Variants in HSPBAP1 observed in about 807,000 individuals in gnomAD.
The protein encoded by HSPBAP1 is HSPB1 associated protein 1, also known as HSPB1-associated protein 1.
A neutral mutation model predicts 45.2 loss-of-function variants in HSPBAP1; 27 were observed. The ratio of observed to expected loss-of-function variants is 0.60; its 90% confidence interval spans 0.44 to 0.82. The LOEUF (loss-of-function observed/expected upper bound fraction) is 0.82, where lower values mean the gene tolerates loss of function less well. HSPBAP1 is among the 40% of genes least tolerant of loss of function. The pLI, the probability that HSPBAP1 is intolerant of heterozygous loss-of-function variation, is 0.00. For missense variants in HSPBAP1, 510 were observed against 590.9 expected (o/e 0.86, Z 1.42); for synonymous variants, 204 against 202.7 (o/e 1.01, Z -0.06).
chr3:122,780,904 C>T (rs1162025431), intron 1 of HSPBAP1, among the ~76,000 whole-genome samples: 2 of 87,914 alleles, frequency 2.3e-5, no homozygotes, highest in East Asian at 2.8e-4. Flanking sequence ...AGGCACTCCT[C>T]ACATCCCAGA....
At chr3:122,746,921 CT>C (rs1370786938) in intron 6 of HSPBAP1, among the ~76,000 whole-genome samples, 1 of 151,938 alleles carries the variant, frequency 6.6e-6, no homozygotes, top group African/African-American at 2.4e-5. Flanking sequence ...TCCCGAGGTG[CT>C]GGGATTGCAG....
intron 1 of HSPBAP1, among the ~76,000 whole-genome samples, chr3:122,787,311 T>C (rs1423370830): frequency 6.6e-6 from 1 of 152,206 alleles, no homozygotes; most frequent in African/African-American, 2.4e-5. Context: ...TACAAGATAA[T>C]TTGAAACCTA....
In HSPBAP1 at chr3:122,752,665, CAA is replaced by C; in HGVS notation, c.749_750del (p.Phe250CysfsTer13). 1 of 1,604,908 alleles carries C rather than the reference CAA, an allele frequency of 6.2e-7. No individual in the cohort carries two copies. ...ACGTAATGCCACCAGTGTCTGGGAA[CAA>C]AGAGAACCTGAAAACCAAACAAAGA... Reference protein sequence around the residue: ...AVTLSPGQVLFVPRHWWHYVE... With the variant: ...AVTLSPGQVLXVPRHWWHYVE... On this transcript the variant is annotated frameshift_variant, in exon 6 of 8. Coordinates refer to ENST00000306103, the MANE Select transcript of HSPBAP1 (RefSeq NM_024610.6). LOFTEE classifies it high-confidence loss of function.
intron 2 of HSPBAP1, among the ~76,000 whole-genome samples, chr3:122,769,630 G>C (rs1934914179): frequency 6.6e-6 from 1 of 152,168 alleles, no homozygotes; most frequent in South Asian, 2.1e-4. Flanking sequence ...AGATCAGTTA[G>C]CACAGTGCTT....
At chr3:122,784,219 A>C (rs1487583561) in intron 1 of HSPBAP1, among the ~76,000 whole-genome samples, 3 of 152,216 alleles carry the variant, frequency 2.0e-5, no homozygotes, top group Non-Finnish European at 2.9e-5. Context: ...GAAAAGCTAT[A>C]ATATATTCAT....
intron 3 of HSPBAP1, among the ~76,000 whole-genome samples, chr3:122,768,315 A>G (rs1267334227): frequency 6.6e-6 from 1 of 152,218 alleles, no homozygotes; most frequent in Non-Finnish European, 1.5e-5. Context: ...TCACAGCCCA[A>G]GGAATGCTCC....
rs750201899 is a variant in HSPBAP1 at position 122,746,602 on chromosome 3, G to GCTCTCTCCTCTCTC, written c.826-5503_826-5490dup. ...TTGGAAAAGATAAAATTAGATCTCA[G>GCTCTCTCCTCTCTC]CTCTCTCCTCTCTCCTCTCTCCTCT... On this transcript the variant is annotated intron_variant, in intron 6 of 7. Transcript: ENST00000306103. 1.1e-4 allele frequency among the ~76,000 whole-genome samples: 17 copies of GCTCTCTCCTCTCTC among 151,546 alleles called. No homozygotes were observed. The South Asian group carries it at 3.6e-3, about 32-fold the overall frequency.
chr3:122,741,795 AT>A (rs1933677946), intron 6 of HSPBAP1: 1 of 152,216 alleles, frequency 6.6e-6, no homozygotes, highest in Admixed American at 6.5e-5. Flanking sequence ...CAGAGGACTA[AT>A]AAACATATGA....
At chr3:122,781,371 A>G (rs1294451054) in intron 1 of HSPBAP1, among the ~76,000 whole-genome samples, 1 of 152,256 alleles carries the variant, frequency 6.6e-6, no homozygotes, top group South Asian at 2.1e-4. Context: ...CGGCCAACAC[A>G]GCGAAACCCC....
chr3:122,760,372 A>C (rs1367103170), intron 3 of HSPBAP1, among the ~76,000 whole-genome samples: 2 of 152,012 alleles, frequency 1.3e-5, no homozygotes, highest in African/African-American at 4.8e-5. Context: ...CAAAAAAAAA[A>C]ACACCCCACT....
At chr3:122,772,695 A>G (rs557074972) in intron 2 of HSPBAP1, among the ~76,000 whole-genome samples, 1 of 152,262 alleles carries the variant, frequency 6.6e-6, no homozygotes, top group Admixed American at 6.5e-5. Context: ...ATATTTCTCT[A>G]TTTTCAGGAT....
At chr3:122,771,348 A>G (rs889843884) in intron 2 of HSPBAP1, among the ~76,000 whole-genome samples, 1 of 152,168 alleles carries the variant, frequency 6.6e-6, no homozygotes, top group Non-Finnish European at 1.5e-5. Context: ...TAATTTTACC[A>G]TGATTCTTTC....
chr3:122,783,008 A>G (rs1935540822), intron 1 of HSPBAP1, among the ~76,000 whole-genome samples: 2 of 152,160 alleles, frequency 1.3e-5, no homozygotes, highest in Non-Finnish European at 2.9e-5. Context: ...TTTGAGAACA[A>G]TCTGTTACCT....
At chr3:122,779,492 T>TTTTCTTTATTTATTTA (rs1935327263) in intron 1 of HSPBAP1, among the ~76,000 whole-genome samples, 1 of 144,318 alleles carries the variant, frequency 6.9e-6, no homozygotes, top group Non-Finnish European at 1.5e-5. Flanking sequence ...ATATGTTTTC[T>TTTTCTTTATTTATTTA]TTTATTTATT....
intron 3 of HSPBAP1, among the ~76,000 whole-genome samples, chr3:122,767,627 A>T (rs1427054916): frequency 6.6e-6 from 1 of 152,120 alleles, no homozygotes; most frequent in Non-Finnish European, 1.5e-5. Context: ...CCTTTTTTAT[A>T]AAATAAAAAA....
rs1253312937 is a variant in HSPBAP1 at position 122,741,085 on chromosome 3, T to A, written c.854A>T (p.Glu285Val). Residue 285 changes from glutamate (E) to valine (V), a missense_variant, in exon 7 of 8, where the codon GAG (glutamate) becomes GTG (valine). Coordinates refer to ENST00000306103, the MANE Select transcript of HSPBAP1 (RefSeq NM_024610.6). Reference sequence around the variant, plus strand: ...ACACACAAGCATACGGGTGATTGCCTCTTCTACCCGGGCTAGGTGATCCTC... The same window carrying A: ...ACACACAAGCATACGGGTGATTGCCACTTCTACCCGGGCTAGGTGATCCTC... ...LEEDHLARVE[E>V]AITRMLVCAL... is the part of the protein sequence containing the mutation. 7 of 1,613,892 alleles carry A rather than the reference T, an allele frequency of 4.3e-6. No individual in the cohort carries two copies. The highest frequency in any genetic ancestry group is 5.9e-6 in the Non-Finnish European group (7 of 1,179,870).
chr3:122,776,256 A>G (rs974262888), intron 2 of HSPBAP1, among the ~76,000 whole-genome samples: 1 of 152,258 alleles, frequency 6.6e-6, no homozygotes, highest in African/African-American at 2.4e-5. Context: ...AATGGCTAAA[A>G]TGCTAAATTT....
intron 1 of HSPBAP1, among the ~76,000 whole-genome samples, chr3:122,787,580 G>A (rs1352294445): frequency 6.6e-6 from 1 of 152,148 alleles, no homozygotes; most frequent in Non-Finnish European, 1.5e-5. Context: ...TTACACTACA[G>A]AGAATCACTA....
intron 6 of HSPBAP1, among the ~76,000 whole-genome samples, chr3:122,748,385 A>G (rs77435955): frequency 0.16 from 24,656 of 151,944 alleles, 2,063 homozygotes; most frequent in African/African-American, 0.2. Context: ...CAATTAAAAA[A>G]AAAAAAAGAA....
Sources: gnomAD v4.1 joint callset for allele counts (sites outside exome capture counted in the v4.1 genomes callset) on GRCh38, gnomAD v4.1.1 for gene constraint, MANE v1.5 for transcripts, NCBI Gene and HGNC (gene_info 2026-07-23, HGNC 2026-07-21) for gene names.